The following LRP1B variants were observed in gnomAD, a reference collection of about 807,000 sequenced individuals.
LRP1B encodes the protein low-density lipoprotein receptor-related protein 1B.
In LRP1B, 217 loss-of-function variants were observed where a neutral mutation model predicts 556.6. That is an observed-to-expected ratio of 0.39 (90% CI 0.35 to 0.44). The LOEUF (loss-of-function observed/expected upper bound fraction) is 0.44, where lower values mean the gene tolerates loss of function less well. LRP1B is among the 20% of genes least tolerant of loss of function. LRP1B has a pLI of 1.00. For missense variants in LRP1B, 5,053 were observed against 5,620.8 expected (o/e 0.90, Z 3.23); for synonymous variants, 2,047 against 1,865.8 (o/e 1.10, Z -2.50).
At chr2:141,272,707 T>A (rs2679441) in intron 3 of LRP1B, among the ~76,000 whole-genome samples, 41,359 of 151,602 alleles carry the variant, frequency 0.27, 5,821 homozygotes, top group South Asian at 0.34. Context: ...AAAATAAAAA[T>A]ATAGAAACAA....
At chr2:140,586,270 G>T (rs1181636903) in intron 43 of LRP1B, among the ~76,000 whole-genome samples, 1 of 152,118 alleles carries the variant, frequency 6.6e-6, no homozygotes, top group Admixed American at 6.5e-5. Flanking sequence ...GTGTCATTTT[G>T]TCTCATATAT....
intron 7 of LRP1B, among the ~76,000 whole-genome samples, chr2:141,141,929 T>C (rs55763702): frequency 6.6e-6 from 1 of 152,162 alleles, no homozygotes; most frequent in African/African-American, 2.4e-5. Flanking sequence ...CTTGTTTCAA[T>C]GTATGTAAGA....
At chr2:142,042,264 T>C (rs1008920269) in intron 1 of LRP1B, among the ~76,000 whole-genome samples, 24 of 151,388 alleles carry the variant, frequency 1.6e-4, no homozygotes, top group African/African-American at 5.8e-4. Flanking sequence ...ATGATGAAAT[T>C]AAAACCCCAG....
At chr2:141,510,235 C>CACACACACA (rs1553524080) in intron 2 of LRP1B, among the ~76,000 whole-genome samples, 2 of 143,102 alleles carry the variant, frequency 1.4e-5, no homozygotes, top group East Asian at 2.1e-4. Context: ...CACACACACA[C>CACACACACA]CCCCCACAGT....
At chr2:141,667,799 C>T (rs1366451121) in intron 2 of LRP1B, among the ~76,000 whole-genome samples, 1 of 152,070 alleles carries the variant, frequency 6.6e-6, no homozygotes, top group Non-Finnish European at 1.5e-5. Flanking sequence ...ACCTATGTTT[C>T]CCTCCCTAAT....
At chr2:140,663,570 G>A (rs986785963) in intron 41 of LRP1B, among the ~76,000 whole-genome samples, 3 of 151,990 alleles carry the variant, frequency 2.0e-5, no homozygotes, top group South Asian at 2.1e-4. Flanking sequence ...CACTTCTCTC[G>A]GACTTCATAG....
intron 1 of LRP1B, among the ~76,000 whole-genome samples, chr2:141,916,038 A>G (rs1028362037): frequency 6.6e-6 from 1 of 152,202 alleles, no homozygotes; most frequent in African/African-American, 2.4e-5. Flanking sequence ...AGAACTTAAA[A>G]CAGAAATACC....
intron 1 of LRP1B, among the ~76,000 whole-genome samples, chr2:142,040,573 T>A (rs1704029036): frequency 6.7e-6 from 1 of 149,360 alleles, no homozygotes; most frequent in Non-Finnish European, 1.5e-5. Context: ...GAATGAAAAG[T>A]ACACGGTTTT....
chr2:141,966,927 G>A (rs999339982), intron 1 of LRP1B, among the ~76,000 whole-genome samples: 2 of 151,824 alleles, frequency 1.3e-5, no homozygotes, highest in Non-Finnish European at 2.9e-5. Context: ...TCAGGATGGT[G>A]CTGGCTTCCA....
At chr2:141,769,645 A>T (rs1289962773) in intron 2 of LRP1B, among the ~76,000 whole-genome samples, 2 of 152,200 alleles carry the variant, frequency 1.3e-5, no homozygotes, top group African/African-American at 4.8e-5. Context: ...TGATGCTGGA[A>T]CAACCATGAT....
chr2:141,462,003 C>T (rs1048815828), intron 3 of LRP1B, among the ~76,000 whole-genome samples: 8 of 152,188 alleles, frequency 5.3e-5, no homozygotes, highest in Admixed American at 2.6e-4. Flanking sequence ...ATACCATTTT[C>T]CTGCCTTTTG....
intron 1 of LRP1B, among the ~76,000 whole-genome samples, chr2:142,021,013 C>A (rs917401114): frequency 2.0e-5 from 3 of 152,174 alleles, no homozygotes; most frequent in Non-Finnish European, 4.4e-5. Context: ...AGAACCTTCT[C>A]TTTGAATTTC....
At chr2:141,598,780 G>A (rs1269852220) in intron 2 of LRP1B, among the ~76,000 whole-genome samples, 1 of 152,026 alleles carries the variant, frequency 6.6e-6, no homozygotes, top group African/African-American at 2.4e-5. Flanking sequence ...GATGAAATGA[G>A]ACTCTGTGCC....
chr2:141,012,422 A>G (rs1405983812), intron 14 of LRP1B, among the ~76,000 whole-genome samples: 2 of 152,048 alleles, frequency 1.3e-5, no homozygotes, highest in Non-Finnish European at 2.9e-5. Context: ...CAGTATAGGC[A>G]AACTATGGTA....
intron 32 of LRP1B, among the ~76,000 whole-genome samples, chr2:140,812,865 C>A (rs979600283): frequency 6.6e-6 from 1 of 152,004 alleles, no homozygotes; most frequent in African/African-American, 2.4e-5. Context: ...ATTAGCCAAT[C>A]CTCACACCCC....
chr2:141,020,141 C>A lies in LRP1B; in HGVS notation c.1790-39G>T, dbSNP rs762007056. 3.7e-6 allele frequency: 5 copies of A among 1,358,078 alleles called. 1 individual carries two copies. The African/African-American group carries it at 7.4e-5, about 20-fold the overall frequency. The allele number at this position is 1,358,078 out of a possible 1,614,324, so 84.1% of individuals were successfully genotyped here. On this transcript the variant is annotated intron_variant, in intron 11 of 90. Coordinates refer to ENST00000389484, the MANE Select transcript of LRP1B (RefSeq NM_018557.3). Reference sequence around the variant, plus strand: ...AAAAACAAGAAAGAAATTGCTTTTACAACTATAGTAAAATTAGTGTTCACT... The same window carrying A: ...AAAAACAAGAAAGAAATTGCTTTTAAAACTATAGTAAAATTAGTGTTCACT...
chr2:140,360,657 A>T (rs2105142187), intron 72 of LRP1B, among the ~76,000 whole-genome samples: 1 of 151,660 alleles, frequency 6.6e-6, no homozygotes, highest in East Asian at 2.0e-4. Context: ...AGCAACTCAG[A>T]TGACTTCAAT....
At chr2:140,516,226 A>T (rs1451594141) in intron 50 of LRP1B, among the ~76,000 whole-genome samples, 5 of 152,102 alleles carry the variant, frequency 3.3e-5, no homozygotes, top group Non-Finnish European at 7.4e-5. Flanking sequence ...ATATCCATGG[A>T]TTCAACAAAC....
chr2:141,049,495 G>A (rs1451395244), intron 10 of LRP1B, among the ~76,000 whole-genome samples: 1 of 152,046 alleles, frequency 6.6e-6, no homozygotes, highest in Non-Finnish European at 1.5e-5. Context: ...CAGATCATTA[G>A]ATAACTTGTA....
Sources: gnomAD v4.1 joint callset for allele counts (sites outside exome capture counted in the v4.1 genomes callset) on GRCh38, gnomAD v4.1.1 for gene constraint, MANE v1.5 for transcripts, NCBI Gene and HGNC (gene_info 2026-07-23, HGNC 2026-07-21) for gene names.